Variants in COL17A1 observed in about 807,000 individuals in gnomAD.
COL17A1 encodes the protein collagen type XVII alpha 1 chain, also known as collagen alpha-1(XVII) chain.
COL17A1 carries 181 observed loss-of-function variants against 218.4 expected under a neutral mutation model. The observed-to-expected ratio is 0.83, with a 90% CI of 0.73 to 0.94. The LOEUF (loss-of-function observed/expected upper bound fraction) is 0.94. COL17A1 is among the 40% of genes least tolerant of loss of function. The pLI is 0.00. For synonymous variants in COL17A1, 721 were observed against 731.0 expected (o/e 0.99, Z 0.22); for missense variants, 1,924 against 1,945.9 (o/e 0.99, Z 0.21).
chr10:104,053,171 C>T lies in COL17A1; in HGVS notation c.1835-36G>A, dbSNP rs758243423. On this transcript the variant is annotated intron_variant, in intron 22 of 55. Coordinates refer to ENST00000648076, the MANE Select transcript of COL17A1 (RefSeq NM_000494.4). Reference sequence around the variant, plus strand: ...GGATGGCCAGCCTCCAAGTCAGGATCCCGTACCCCAGCTAACGGCTCCACA... The same window carrying T: ...GGATGGCCAGCCTCCAAGTCAGGATTCCGTACCCCAGCTAACGGCTCCACA... The T allele has an allele frequency of 6.2e-6, 10 of 1,607,002 alleles. No homozygotes were observed. The South Asian group carries it at 1.1e-4, about 18-fold the overall frequency.
chr10:104,035,511 C>G lies in COL17A1; in HGVS notation c.3471G>C (p.Pro1157=). The part of the protein sequence containing the change: ...LPGPPGPPGL[P]GTSYEELLSL... Reference sequence around the variant, plus strand: ...AGAGGAGCTCCTCATAGGAGGTTCCCGGCAAGCCAGGGGGCCCCGGGGGAC... The same window carrying G: ...AGAGGAGCTCCTCATAGGAGGTTCCGGGCAAGCCAGGGGGCCCCGGGGGAC... The change falls in exon 49 of 56, where the codon CCG becomes CCC. Residue 1157 remains proline, a synonymous_variant. Coordinates refer to ENST00000648076, the MANE Select transcript of COL17A1 (RefSeq NM_000494.4). 3 of 1,613,638 alleles carry G rather than the reference C, an allele frequency of 1.9e-6. No homozygotes were observed. Among genetic ancestry groups the G allele is most frequent in the South Asian group, 2.2e-5 (2 of 91,050 alleles).
At chr10:104,048,680 C>T (rs1423019138) in intron 29 of COL17A1, among the ~76,000 whole-genome samples, 1 of 152,224 alleles carries the variant, frequency 6.6e-6, no homozygotes, top group Non-Finnish European at 1.5e-5. Flanking sequence ...TCACCTCATG[C>T]AAGTCTTATC....
At chr10:104,044,456 A>G (rs2086389951) in intron 33 of COL17A1, among the ~76,000 whole-genome samples, 1 of 152,250 alleles carries the variant, frequency 6.6e-6, no homozygotes, top group Non-Finnish European at 1.5e-5. Flanking sequence ...TATCAACTGG[A>G]TGCAGTGCTG....
chr10:104,064,322 A>T, intron 10 of COL17A1, 116 bp downstream of exon 10: 1 of 1,541,038 alleles, frequency 6.5e-7, no homozygotes, highest in Non-Finnish European at 8.8e-7. Context: ...GTTTGGCCAC[A>T]GAAAGCCTCT....
rs60283710 is a variant in COL17A1 at position 104,039,766 on chromosome 10, CCA to C, written c.2789-128_2789-127del. 0.11 allele frequency: 104,072 copies of C among 956,252 alleles called. 2,073 individuals carry two copies. Among genetic ancestry groups the C allele is most frequent in the South Asian group, 0.16 (11,095 of 70,028 alleles). The allele number at this position is 956,252 out of a possible 1,614,324, so 59.2% of individuals were successfully genotyped here. On this transcript the variant is annotated intron_variant, in intron 41 of 55. Transcript: ENST00000648076. ...GCCCTTTGGGCAGTACCTAGAGATG[CCA>C]CACACACACACACACACACACACAC...
rs573472257 is a variant in COL17A1, at chr10:104,033,490, C to T, written c.4157-115G>A. Reference sequence around the variant, plus strand: ...CCAAAGCAGTTGAACTAGATCAAGCCGCAGCAAGGGTGAAGCCCTCCAACT... The same window carrying T: ...CCAAAGCAGTTGAACTAGATCAAGCTGCAGCAAGGGTGAAGCCCTCCAACT... On this transcript the variant is annotated intron_variant, in intron 52 of 55. Transcript: ENST00000648076. 410 of 1,285,266 alleles carry T rather than the reference C, an allele frequency of 3.2e-4. 2 individuals are homozygous for T. Among genetic ancestry groups the T allele is most frequent in the South Asian group, 1.2e-3 (96 of 78,754 alleles). The allele number at this position is 1,285,266 out of a possible 1,614,324, so 79.6% of individuals were successfully genotyped here.
At chr10:104,032,425 T>C in intron 55 of COL17A1, 135 bp from the exon 56 acceptor site, 2 of 842,578 alleles carry the variant, frequency 2.4e-6, no homozygotes, top group East Asian at 2.6e-5. Flanking sequence ...ACTACATTTA[T>C]TTAACTTGTT....
In COL17A1 at chr10:104,076,385, C is replaced by T. The variant is rs2086710703; in HGVS notation, c.247G>A (p.Ala83Thr). Reference sequence around the variant, plus strand: ...GGCAGAGTGGAGGCAGGTGAGTGAGCCCTCCTGTAACTAGAGGTGGAGGCA... The same window carrying T: ...GGCAGAGTGGAGGCAGGTGAGTGAGTCCTCCTGTAACTAGAGGTGGAGGCA... ...GHASTSSYRR[A>T]HSPASTLPNS... is the part of the protein sequence containing the mutation. The change falls in exon 5 of 56, where the codon GCT becomes ACT. Residue 83 changes from alanine to threonine, a missense_variant. Ala to Thr is a moderately conservative substitution (Grantham distance 58). Transcript: ENST00000648076. The T allele has an allele frequency of 5.0e-6, 8 of 1,614,166 alleles. No individual in the cohort carries two copies. The highest frequency in any genetic ancestry group is 1.3e-5 in the African/African-American group (1 of 75,030).
chr10:104,070,191 G>A (rs2086658000), intron 9 of COL17A1, among the ~76,000 whole-genome samples: 1 of 152,164 alleles, frequency 6.6e-6, no homozygotes, highest in Admixed American at 6.5e-5. Context: ...TGCCTGCTGA[G>A]TCTTACATTG....
intron 23 of COL17A1, among the ~76,000 whole-genome samples, chr10:104,052,582 G>T (rs1343774485): frequency 6.6e-6 from 1 of 152,134 alleles, no homozygotes; most frequent in African/African-American, 2.4e-5. Flanking sequence ...GGATGGAATT[G>T]CAACACCTTC....
At chr10:104,060,316 T>C (rs1347702508) in intron 13 of COL17A1, 36 bp from the exon 14 acceptor site, 1 of 1,612,306 alleles carries the variant, frequency 6.2e-7, no homozygotes, top group Non-Finnish European at 8.5e-7. Context: ...AGGAAGGACA[T>C]GTGCCAGGAG....
intron 12 of COL17A1, 43 bp from the exon 13 acceptor site, chr10:104,061,516 G>A (rs1397449695): frequency 6.3e-7 from 1 of 1,589,312 alleles, no homozygotes; most frequent in Admixed American, 1.7e-5. Context: ...GGTGGTTCCA[G>A]GTGACTCAGG....
intron 24 of COL17A1, among the ~76,000 whole-genome samples, 161 bp from the exon 25 acceptor site, chr10:104,051,677 G>C (rs1002808406): frequency 2.0e-5 from 3 of 152,174 alleles, no homozygotes. Flanking sequence ...GTCCTCCTTA[G>C]GGAGGGGGTG....
chr10:104,034,718 TG>T lies in COL17A1; in HGVS notation c.3668del (p.Pro1223GlnfsTer28). The T allele has an allele frequency of 6.2e-7, 1 of 1,611,438 alleles. No homozygotes were observed. Among genetic ancestry groups the T allele is most frequent in the South Asian group, 1.1e-5 (1 of 90,342 alleles). On this transcript the variant is annotated frameshift_variant, in exon 51 of 56. Transcript: ENST00000648076. LOFTEE classifies it high-confidence loss of function. ...AGACACCCGGGGGCCCTCGAGGCCC[TG>T]GGGGACCAGGAGGTCCTGGAGGGCC... ...IPGPPGPPGP[P>X]GPRGPPGVSG... is the part of the protein sequence containing the mutation.
chr10:104,072,222 AG>A, intron 7 of COL17A1, 143 bp from the exon 8 acceptor site: 1 of 1,278,376 alleles, frequency 7.8e-7, no homozygotes, highest in Non-Finnish European at 1.1e-6. Context: ...GGTGTGCCCA[AG>A]AAGAGTGCTG....
At chr10:104,041,617 T>G in intron 36 of COL17A1, 79 bp from the exon 37 acceptor site, 1 of 1,287,066 alleles carries the variant, frequency 7.8e-7, no homozygotes, top group Middle Eastern at 1.9e-4. Context: ...TCTCACTGGA[T>G]CTGCAGTTCC....
chr10:104,036,052 GTGTGTATGGGAGTA>G (rs1227823708), intron 48 of COL17A1, among the ~76,000 whole-genome samples: 129 of 76,792 alleles, frequency 1.7e-3, no homozygotes, highest in Middle Eastern at 5.4e-3. Context: ...GTATAGGAGT[GTGTGTATGGGAGTA>G]TGTGTATGGG....
At chr10:104,040,494 G>T in intron 39 of COL17A1, 84 bp from the exon 40 acceptor site, 1 of 867,830 alleles carries the variant, frequency 1.2e-6, no homozygotes, top group Non-Finnish European at 1.9e-6. Flanking sequence ...CAACATAGAT[G>T]CTCAATCAAT....
chr10:104,041,419 C>T (rs1220034465), intron 37 of COL17A1, 66 bp downstream of exon 37: 1 of 1,602,652 alleles, frequency 6.2e-7, no homozygotes, highest in African/African-American at 1.3e-5. Flanking sequence ...TTGGCTTCCT[C>T]ACTAAGTGCA....
Sources: gnomAD v4.1 joint callset for allele counts (sites outside exome capture counted in the v4.1 genomes callset) on GRCh38, gnomAD v4.1.1 for gene constraint, MANE v1.5 for transcripts, NCBI Gene and HGNC (gene_info 2026-07-23, HGNC 2026-07-21) for gene names.